Variants in SCRIB observed in about 807,000 individuals in gnomAD.
SCRIB encodes the protein protein scribble homolog.
In SCRIB, 72 loss-of-function variants were observed where a neutral mutation model predicts 170.0. That is an observed-to-expected ratio of 0.42 (90% confidence interval 0.35 to 0.52). The LOEUF (loss-of-function observed/expected upper bound fraction) is 0.52. Ranked by LOEUF, SCRIB falls within the 20% of genes least tolerant of loss-of-function variation. The probability of loss-of-function intolerance (pLI) is 0.02; values close to 1 mark genes in which losing one functional copy is unlikely to be tolerated. For missense variants in SCRIB, 2,475 were observed against 2,338.5 expected, an observed-to-expected ratio of 1.06 and a Z score of -1.20; for synonymous variants, 1,298 against 1,044.3, an observed-to-expected ratio of 1.24 and a Z score of -4.68.
At chr8:143,792,926 G>A in intron 29 of SCRIB, 50 bp downstream of exon 29, 1 of 1,499,808 alleles carries the variant, frequency 6.7e-7, no homozygotes, top group Non-Finnish European at 8.9e-7. Context: ...GGGGCCCCCG[G>A]GCACCCACCC....
At chr8:143,813,231 G>A (rs943125244) in intron 6 of SCRIB, 80 bp downstream of exon 6, 86 of 1,596,250 alleles carry the variant, frequency 5.4e-5, no homozygotes, top group Non-Finnish European at 6.1e-5. Flanking sequence ...CCTTGCTGTC[G>A]GATCTGCTCG....
At chr8:143,801,965 C>T (rs1476752059) in intron 24 of SCRIB, among the ~76,000 whole-genome samples, 1 of 152,230 alleles carries the variant, frequency 6.6e-6, no homozygotes, top group African/African-American at 2.4e-5. Context: ...GGCACGCCGG[C>T]TGCAGACATG....
rs62522484 is a variant in SCRIB at position 143,802,092 on chromosome 8, T to C, written c.3603+1291A>G. On this transcript the variant is annotated intron_variant, in intron 24 of 36. Coordinates refer to ENST00000356994, the MANE Select transcript of SCRIB (RefSeq NM_182706.5). The stretch of plus-strand genomic sequence containing the variant: ...AACGTGTTTAGATACACATTTAAAA[T>C]AATAAAAGGCAAGGCCCTCTCTGAG... 2.8e-3 allele frequency among the ~76,000 whole-genome samples: 433 copies of C among 152,290 alleles called. 2 individuals are homozygous for C. Among genetic ancestry groups the C allele is most frequent in the South Asian group, 0.016 (76 of 4,828 alleles).
chr8:143,791,532 AG>A, intron 35 of SCRIB, 92 bp from the exon 36 acceptor site: 1 of 1,585,422 alleles, frequency 6.3e-7, no homozygotes, highest in South Asian at 1.1e-5. Context: ...AGGCCCACAG[AG>A]CCCGGCTGAA....
At chr8:143,808,524 G>A in intron 15 of SCRIB, 85 bp downstream of exon 15, 4 of 1,460,142 alleles carry the variant, frequency 2.7e-6, no homozygotes, top group African/African-American at 1.4e-5. Context: ...AGTGGGTCAG[G>A]CCTCGGCCCT....
rs782546116 is a variant in SCRIB at position 143,792,879 on chromosome 8, G to A, written c.4018-12C>T. 91 of 1,504,076 alleles carry A rather than the reference G, an allele frequency of 6.1e-5. No homozygotes were observed. Among genetic ancestry groups the A allele is most frequent in the Admixed American group, 1.8e-4 (8 of 45,704 alleles). 93.2% of individuals were successfully genotyped at this position (1,504,076 alleles called of 1,614,324 possible). On this transcript the variant is annotated splice_polypyrimidine_tract_variant and intron_variant, in intron 29 of 36. Coordinates refer to ENST00000356994, the MANE Select transcript of SCRIB (RefSeq NM_182706.5). ...CCAGGCGTGGGGGGCTGGGGGGAGC[G>A]GACCTTGAGGTTTGGCTGGCATTCC...
Position 143,806,443 on chromosome 8 carries a change from G to C in SCRIB, c.2310C>G (p.Ala770=). The change falls in exon 18 of 37, where the codon GCC becomes GCG. Residue 770 remains alanine, a synonymous_variant. Coordinates refer to ENST00000356994, the MANE Select transcript of SCRIB (RefSeq NM_182706.5). ...ISRVSEEGPA[A]RAGVRVGDKL... Reference sequence around the variant, plus strand: ...TGTCACCCACACGGACTCCAGCCCGGGCCGCAGGGCCTTCCTCGGACACCC... The same window carrying C: ...TGTCACCCACACGGACTCCAGCCCGCGCCGCAGGGCCTTCCTCGGACACCC... 6.2e-7 allele frequency: 1 copy of C among 1,606,158 alleles called. No homozygotes were observed.
rs1815555620 is a variant in SCRIB, at chr8:143,808,723, A to G, written c.2001T>C (p.Gly667=). The G allele has an allele frequency of 6.3e-7, 1 of 1,593,000 alleles. No individual in the cohort carries two copies. Among genetic ancestry groups the G allele is most frequent in the African/African-American group, 1.3e-5 (1 of 74,172 alleles). The stretch of plus-strand genomic sequence containing the variant: ...CCTCTTCCTCCTCCTCCTGAGGACT[A>G]CCCTCTTCCTCCTCCTCCTCCTCCT... The part of the protein sequence containing the change: ...AQKEEEEEEE[G]SPQEEEEEEE... Residue 667 remains glycine (G), a synonymous_variant, in exon 15 of 37, where the codon GGT becomes GGC. Transcript: ENST00000356994.
chr8:143,793,570 C>A, intron 28 of SCRIB: 1 of 359,242 alleles, frequency 2.8e-6, no homozygotes, highest in Non-Finnish European at 5.1e-6. Context: ...AGTGGGGGGG[C>A]AAGGACCCCC....
chr8:143,813,597 T>A, intron 4 of SCRIB, 40 bp downstream of exon 4: 1 of 1,611,560 alleles, frequency 6.2e-7, no homozygotes, highest in Non-Finnish European at 8.5e-7. Flanking sequence ...CCAATCCTGG[T>A]CCCCCACCCC....
chr8:143,813,130 T>C (rs1377408587), intron 6 of SCRIB, 26 bp from the exon 7 acceptor site: 12 of 1,571,118 alleles, frequency 7.6e-6, no homozygotes, highest in South Asian at 1.2e-5. Flanking sequence ...GAGAAAATAG[T>C]GACTATGAGG....
At position 143,793,015 on chromosome 8, in the gene SCRIB, G is replaced by A. The variant is rs142311345; in HGVS notation, c.3978C>T (p.Ala1326=). 166 of 1,513,528 alleles carry A rather than the reference G, an allele frequency of 1.1e-4. No individual in the cohort carries two copies. The highest frequency in any genetic ancestry group is 1.5e-4 in the East Asian group (6 of 40,530). The allele number at this position is 1,513,528 out of a possible 1,614,324, so 93.8% of individuals were successfully genotyped here. ...NVKQAYRAFA[A]VPTSHPPEDA... is the part of the protein sequence containing the mutation. ...CCTCAGGCGGGTGAGAAGTGGGCAC[G>A]GCCGCGAAGGCCCTGTAGGCCTGCT... Residue 1326 remains alanine (A), a synonymous_variant, in exon 29 of 37, where the codon GCC becomes GCT. Transcript: ENST00000356994.
At position 143,812,330 on chromosome 8, in the gene SCRIB, A is replaced by G. The variant is rs1393684870; in HGVS notation, c.842T>C (p.Val281Ala). 1 of 1,613,786 alleles carries G rather than the reference A, an allele frequency of 6.2e-7. No individual in the cohort carries two copies. The highest frequency in any genetic ancestry group is 1.1e-5 in the South Asian group (1 of 91,084). ...LKVDQNRLCE[V>A]TEAIGDCENL... is the part of the protein sequence containing the mutation. ...CTCACAGTCCCCGATGGCCTCGGTCACCTCGCACAGCCGATTCTGGTCTAC... is the reference window on the plus strand; with the variant it reads ...CTCACAGTCCCCGATGGCCTCGGTCGCCTCGCACAGCCGATTCTGGTCTAC... The change falls in exon 9 of 37, where the codon GTG becomes GCG. Residue 281 changes from valine (V) to alanine (A), a missense_variant. Val to Ala is a moderately conservative substitution (Grantham distance 64). This residue lies in a region of SCRIB where 487 missense variants were observed against 558.1 expected (regional missense o/e 0.87). Transcript: ENST00000356994.
chr8:143,814,687 A>C lies in SCRIB; in HGVS notation c.159+527T>G, dbSNP rs538557314. On this transcript the variant is annotated intron_variant, in intron 1 of 36. Coordinates refer to ENST00000356994, the MANE Select transcript of SCRIB (RefSeq NM_182706.5). The stretch of plus-strand genomic sequence containing the variant: ...ACCCAGCACCCCATCTCCAGAAAAG[A>C]AATACTTTTTAATCTGCTTTCTCCA... 18 of 160,348 alleles carry C rather than the reference A, an allele frequency of 1.1e-4. 2 individuals carry two copies. In the South Asian group the frequency reaches 2.1e-3, roughly 19 times the overall value. The allele number at this position is 160,348 out of a possible 1,614,324, so 9.9% of individuals were successfully genotyped here.
intron 14 of SCRIB, 137 bp from the exon 15 acceptor site, chr8:143,809,162 G>T: frequency 1.7e-6 from 2 of 1,174,470 alleles, no homozygotes; most frequent in Non-Finnish European, 2.3e-6. Flanking sequence ...ACTGCCCAGT[G>T]AGGGGCGCGT....
chr8:143,804,879 C>T (rs969402310), intron 20 of SCRIB, 54 bp from the exon 21 acceptor site: 29 of 436,702 alleles, frequency 6.6e-5, no homozygotes, highest in Middle Eastern at 8.7e-4. Context: ...GGACAGAGGG[C>T]GCGGGGCGGG....
rs1001238660 is a variant in SCRIB at position 143,815,031 on chromosome 8, G to A, written c.159+183C>T. 11 of 643,768 alleles carry A rather than the reference G, an allele frequency of 1.7e-5. No homozygotes were observed. The African/African-American group carries it at 1.7e-4, about 10-fold the overall frequency. The allele number at this position is 643,768 out of a possible 1,614,324, so 39.9% of individuals were successfully genotyped here. A position where few individuals can be genotyped will look rare whatever the true frequency, so the allele number is the denominator to read the frequency against. The stretch of plus-strand genomic sequence containing the variant: ...CCCAGGCAAGCACCTGATGACCGCT[G>A]CCACCTGCGCCAGCCAGGGCGGCTG... On this transcript the variant is annotated intron_variant, in intron 1 of 36. Coordinates refer to ENST00000356994, the MANE Select transcript of SCRIB (RefSeq NM_182706.5).
chr8:143,812,995 G>C (rs746580165), intron 7 of SCRIB, 34 bp from the exon 8 acceptor site: 7 of 1,610,696 alleles, frequency 4.3e-6, no homozygotes, highest in Non-Finnish European at 5.9e-6. Context: ...GCGCGGATGG[G>C]CACGAAGCAG....
intron 20 of SCRIB, 34 bp downstream of exon 20, chr8:143,804,900 T>C: frequency 1.1e-5 from 1 of 95,098 alleles, no homozygotes; most frequent in Non-Finnish European, 1.9e-5. Context: ...GCAGGGGGGA[T>C]GGGTGGGTGG....
Sources: gnomAD v4.1 joint callset for allele counts (sites outside exome capture counted in the v4.1 genomes callset) on GRCh38, gnomAD v4.1.1 for gene constraint, gnomAD v4.1.1 regional missense constraint, MANE v1.5 for transcripts, NCBI Gene and HGNC (gene_info 2026-07-23, HGNC 2026-07-21) for gene names.